Variants in NSD3 observed in about 807,000 individuals in gnomAD.
The protein encoded by NSD3 is nuclear receptor binding SET domain protein 3, also known as histone-lysine N-methyltransferase NSD3.
NSD3 carries 24 observed loss-of-function variants against 160.8 expected under a neutral mutation model. That is an observed-to-expected ratio of 0.15 (90% CI 0.11 to 0.21). The LOEUF is 0.21. Ranked by LOEUF, NSD3 falls within the 10% of genes least tolerant of loss-of-function variation. NSD3 has a pLI of 1.00. For missense variants in NSD3, 1,157 were observed against 1,735.9 expected, an observed-to-expected ratio of 0.67 and a Z score of 5.93; for synonymous variants, 520 against 600.0, an observed-to-expected ratio of 0.87 and a Z score of 1.95.
In NSD3 at chr8:38,294,929, G is replaced by C. The variant is rs186353221; in HGVS notation, c.2915+867C>G. On this transcript the variant is annotated intron_variant, in intron 16 of 23. Transcript: ENST00000317025. Reference sequence around the variant, plus strand: ...GAAGCCAAGGCAGGCGGATCACAAGGTCAGGAGATCGAGACCATCCTGCCT... The same window carrying C: ...GAAGCCAAGGCAGGCGGATCACAAGCTCAGGAGATCGAGACCATCCTGCCT... Among the ~76,000 whole-genome samples, 1,240 of 151,422 alleles carry C rather than the reference G, an allele frequency of 8.2e-3. 21 individuals are homozygous for C. The highest frequency in any genetic ancestry group is 0.028 in the African/African-American group (1,157 of 41,302).
intron 1 of NSD3, among the ~76,000 whole-genome samples, chr8:38,357,046 G>C (rs1810841790): frequency 6.8e-6 from 1 of 147,494 alleles, no homozygotes; most frequent in Non-Finnish European, 1.5e-5. Context: ...TTGAATCTGG[G>C]AGGCGGAGGT....
At position 38,289,486 on chromosome 8, in the gene NSD3, T is replaced by C. The variant is rs371023681; in HGVS notation, c.3138A>G (p.Lys1046=). ...TTTGTGCTTTCAATTCCTGGAAACGTTTTGCAGCTTCTTCCAGTGCTGCCA... is the reference window on the plus strand; with the variant it reads ...TTTGTGCTTTCAATTCCTGGAAACGCTTTGCAGCTTCTTCCAGTGCTGCCA... ...TFKKALEEAA[K]RFQELKAQRE... is the part of the protein sequence containing the mutation. Residue 1046 remains lysine, a synonymous_variant, in exon 18 of 24, where the codon AAA becomes AAG. Coordinates refer to ENST00000317025, the MANE Select transcript of NSD3 (RefSeq NM_023034.2). 1.4e-5 allele frequency: 22 copies of C among 1,613,440 alleles called. No individual in the cohort carries two copies. In the African/African-American group the frequency reaches 2.7e-4, roughly 20 times the overall value.
chr8:38,352,926 C>T (rs1056008424), intron 1 of NSD3, among the ~76,000 whole-genome samples: 2 of 152,186 alleles, frequency 1.3e-5, no homozygotes, highest in African/African-American at 4.8e-5. Context: ...TTTATTCCTT[C>T]GTCACTACCA....
At chr8:38,364,206 G>C (rs1811055332) in intron 1 of NSD3, among the ~76,000 whole-genome samples, 2 of 152,092 alleles carry the variant, frequency 1.3e-5, no homozygotes, top group African/African-American at 4.8e-5. Context: ...GAACCTGGGA[G>C]GTGGAGGTTG....
chr8:38,380,726 C>T (rs956393756), intron 1 of NSD3: 1 of 152,062 alleles, frequency 6.6e-6, no homozygotes, highest in African/African-American at 2.4e-5. Flanking sequence ...TGACCCAAGA[C>T]GTAAGGGGAA....
In NSD3 at chr8:38,347,481, C is replaced by T. The variant is rs553399111; in HGVS notation, c.675+16G>A. 2.0e-5 allele frequency: 31 copies of T among 1,545,586 alleles called. No homozygotes were observed. Among genetic ancestry groups the T allele is most frequent in the South Asian group, 1.6e-4 (13 of 79,662 alleles). ...TGAAATATAACAAAATTTTTCAAAA[C>T]GACTTTTCAACTTACATTTTGTTCC... On this transcript the variant is annotated intron_variant, in intron 2 of 23. Coordinates refer to ENST00000317025, the MANE Select transcript of NSD3 (RefSeq NM_023034.2).
intron 12 of NSD3, among the ~76,000 whole-genome samples, chr8:38,311,470 G>T (rs139389441): frequency 0.024 from 3,611 of 152,122 alleles, 54 homozygotes; most frequent in Non-Finnish European, 0.034. Flanking sequence ...GGAATTATAG[G>T]CATGTGCCAC....
rs1046321979 is a variant in NSD3, at chr8:38,318,768, A to G, written c.1855+127T>C. ...CACACACACACGAACACTGGGGAAT[A>G]CTGCAATTTCACACTGAAGAGCAAC... On this transcript the variant is annotated intron_variant, in intron 9 of 23. Coordinates refer to ENST00000317025, the MANE Select transcript of NSD3 (RefSeq NM_023034.2). The surrounding 1 kb of genome is among the most constrained non-coding windows in gnomAD (Gnocchi z 5.3). 9.7e-6 allele frequency: 8 copies of G among 821,294 alleles called. No homozygotes were observed. Among genetic ancestry groups the G allele is most frequent in the Non-Finnish European group, 1.6e-5 (8 of 489,548 alleles). The allele number at this position is 821,294 out of a possible 1,614,324, so 50.9% of individuals were successfully genotyped here.
intron 1 of NSD3, among the ~76,000 whole-genome samples, chr8:38,380,042 C>T (rs558831066): frequency 6.6e-6 from 1 of 152,172 alleles, no homozygotes; most frequent in East Asian, 1.9e-4. Context: ...AACAAAACAA[C>T]AACAAAAAAA....
At position 38,288,618 on chromosome 8, in the gene NSD3, G is replaced by C; in HGVS notation, c.3370C>G (p.His1124Asp). ...CLNRMLQYEC[H>D]PQVCPAGDRC... ...TCTCCAGCTGGGCACACCTGCGGGT[G>C]GCATTCATACTGCAACATTCTGTTC... Residue 1124 changes from histidine to aspartate, a missense_variant, in exon 19 of 24, where the codon CAC becomes GAC. Transcript: ENST00000317025. This position sits in a 1 kb window ranked among gnomAD's most constrained non-coding sequence, Gnocchi z 4.5. 6.2e-7 allele frequency: 1 copy of C among 1,614,176 alleles called. No homozygotes were observed. Among genetic ancestry groups the C allele is most frequent in the South Asian group, 1.1e-5 (1 of 91,082 alleles).
At position 38,299,324 on chromosome 8, in the gene NSD3, G is replaced by C. The variant is rs940584174; in HGVS notation, c.2758+120C>G. ...ATGAAGAAACAGTCACAACCACCAAGGCAGAATTTACCAAAAGCAACAGAT... is the reference window on the plus strand; with the variant it reads ...ATGAAGAAACAGTCACAACCACCAACGCAGAATTTACCAAAAGCAACAGAT... On this transcript the variant is annotated intron_variant, in intron 15 of 23. Transcript: ENST00000317025. The C allele has an allele frequency of 4.7e-6, 5 of 1,055,462 alleles. No homozygotes were observed. The East Asian group carries it at 1.4e-4, about 29-fold the overall frequency. The allele number at this position is 1,055,462 out of a possible 1,614,324, so 65.4% of individuals were successfully genotyped here. A position where few individuals can be genotyped will look rare whatever the true frequency, so the allele number is the denominator to read the frequency against.
At chr8:38,296,685 TG>T (rs1295594610) in intron 15 of NSD3, among the ~76,000 whole-genome samples, 1 of 146,522 alleles carries the variant, frequency 6.8e-6, no homozygotes, top group African/African-American at 2.5e-5. Flanking sequence ...TGTGTGTGTG[TG>T]TGTGTGTGTG....
chr8:38,278,102 C>G (rs1398433330), intron 22 of NSD3, among the ~76,000 whole-genome samples: 1 of 152,088 alleles, frequency 6.6e-6, no homozygotes, highest in African/African-American at 2.4e-5. Flanking sequence ...CCATGCCCAG[C>G]TAATTTTTTG....
intron 1 of NSD3, among the ~76,000 whole-genome samples, chr8:38,379,684 G>A (rs1323212312): frequency 1.3e-5 from 2 of 152,192 alleles, no homozygotes; most frequent in African/African-American, 4.8e-5. Context: ...TAACAACTGA[G>A]AGGATGTTGC....
intron 4 of NSD3, among the ~76,000 whole-genome samples, chr8:38,334,753 AAAAC>A (rs141411435): frequency 0.14 from 21,754 of 151,782 alleles, 1,690 homozygotes; most frequent in East Asian, 0.31. Context: ...ATCCATCTCA[AAAAC>A]AAACAAACAA....
rs1457975475 is a variant in NSD3, at chr8:38,314,708, C to G, written c.2181G>C (p.Leu727=). ...GAAGTGATGCCAATCCCAGGCACTC[C>G]AGGTGAAAGTGTTTGCAGCACTCTC... is the stretch of plus-strand genomic sequence containing the variant. ...CEGECCKHFH[L]ECLGLASLPD... The change falls in exon 12 of 24, where the codon CTG becomes CTC. Residue 727 remains leucine (L), a synonymous_variant. Coordinates refer to ENST00000317025, the MANE Select transcript of NSD3 (RefSeq NM_023034.2). The G allele has an allele frequency of 6.2e-7, 1 of 1,614,056 alleles. No homozygotes were observed. The highest frequency in any genetic ancestry group is 2.2e-5 in the East Asian group (1 of 44,894).
Position 38,274,066 on chromosome 8 carries a change from A to G in NSD3, c.*1575T>C, listed in dbSNP as rs1456550004. On this transcript the variant is annotated 3_prime_UTR_variant, in exon 24 of 24. Coordinates refer to ENST00000317025, the MANE Select transcript of NSD3 (RefSeq NM_023034.2). ...ATGTGGTAGAGCATCTACCCTCCCT[A>G]CCTTCATAAGGTTACTAGGTACTTG... The G allele has an allele frequency of 6.6e-6, 1 of 152,182 alleles. No individual in the cohort carries two copies. Among genetic ancestry groups the G allele is most frequent in the Non-Finnish European group, 1.5e-5 (1 of 68,026 alleles). The allele number at this position is 152,182 out of a possible 1,614,324, so 9.4% of individuals were successfully genotyped here.
intron 22 of NSD3, among the ~76,000 whole-genome samples, chr8:38,277,101 A>G (rs1808618972): frequency 6.6e-6 from 1 of 151,560 alleles, no homozygotes; most frequent in Non-Finnish European, 1.5e-5. Context: ...GCTGCCACAC[A>G]TGGCTAATGT....
chr8:38,296,674 C>CTG (rs57485296), intron 15 of NSD3, among the ~76,000 whole-genome samples: 20,703 of 142,082 alleles, frequency 0.15, 1,518 homozygotes, highest in East Asian at 0.28. Flanking sequence ...CTCTCTCCCT[C>CTG]TGTGTGTGTG....
Sources: allele counts gnomAD v4.1 joint callset (sites outside exome capture counted in the v4.1 genomes callset), GRCh38; gene constraint gnomAD v4.1.1; non-coding constraint Gnocchi (gnomAD v3.1); transcripts MANE v1.5; gene names NCBI Gene and HGNC (gene_info 2026-07-23, HGNC 2026-07-21).